CDH10: variants seen among roughly 807,000 people sequenced by gnomAD.
The protein encoded by CDH10 is cadherin 10.
CDH10 carries 30 observed loss-of-function variants against 73.1 expected under a neutral mutation model. The observed-to-expected ratio is 0.41, with a 90% confidence interval of 0.31 to 0.56. The LOEUF (loss-of-function observed/expected upper bound fraction) is 0.56. Ranked by LOEUF, CDH10 falls within the 20% of genes least tolerant of loss-of-function variation. The pLI is 0.27. For synonymous variants in CDH10, 345 were observed against 348.2 expected (o/e 0.99, Z 0.10); for missense variants, 815 against 973.7 (o/e 0.84, Z 2.17).
At chr5:24,525,571 A>G (rs1365179206) in intron 5 of CDH10, among the ~76,000 whole-genome samples, 1 of 152,026 alleles carries the variant, frequency 6.6e-6, no homozygotes, top group East Asian at 1.9e-4. Flanking sequence ...CCTTGGAGGG[A>G]ACTGCAGAGT....
chr5:24,491,852 A>G (rs774448090), intron 10 of CDH10, 25 bp from the exon 11 acceptor site: 2 of 1,524,948 alleles, frequency 1.3e-6, no homozygotes, highest in South Asian at 1.2e-5. Flanking sequence ...AAAATATTAC[A>G]AATGGTTTGG....
chr5:24,604,973 T>C (rs1419525013), intron 1 of CDH10, among the ~76,000 whole-genome samples: 1 of 152,126 alleles, frequency 6.6e-6, no homozygotes, highest in Admixed American at 6.6e-5. Context: ...TAAAGTCTTT[T>C]TTCATACTGT....
Position 24,509,775 on chromosome 5 carries a change from T to C in CDH10, c.1047A>G (p.Glu349=), listed in dbSNP as rs201120397. ...GGGGATCTACATGGGTGTTTTCTGC[T>C]TCGACTTTCAGAGTATAAAGTCTTC... is the stretch of plus-strand genomic sequence containing the variant. ...ESRRLYTLKV[E]AENTHVDPRF... The change falls in exon 7 of 12, where the codon GAA becomes GAG. Residue 349 remains glutamate, a synonymous_variant. Coordinates refer to ENST00000264463, the MANE Select transcript of CDH10 (RefSeq NM_006727.5). 3.9e-5 allele frequency: 63 copies of C among 1,612,568 alleles called. No individual in the cohort carries two copies. Among genetic ancestry groups the C allele is most frequent in the Middle Eastern group, 3.3e-4 (2 of 6,060 alleles).
At chr5:24,491,466 C>A (rs1272145017) in intron 11 of CDH10, 110 bp downstream of exon 11, 1 of 794,838 alleles carries the variant, frequency 1.3e-6, no homozygotes, top group Non-Finnish European at 2.0e-6. Context: ...TAATTTATGT[C>A]TATCTTAAAA....
intron 2 of CDH10, among the ~76,000 whole-genome samples, chr5:24,580,397 T>C (rs1459301800): frequency 1.3e-5 from 2 of 152,190 alleles, no homozygotes; most frequent in Non-Finnish European, 2.9e-5. Flanking sequence ...ATGTTTTCCA[T>C]TCTCTTAAAT....
intron 2 of CDH10, among the ~76,000 whole-genome samples, chr5:24,545,851 T>C (rs574772894): frequency 2.0e-5 from 3 of 152,220 alleles, no homozygotes; most frequent in South Asian, 2.1e-4. Flanking sequence ...CTGTAACTGA[T>C]TGAATGAAAC....
chr5:24,534,731 C>T (rs935258984), intron 5 of CDH10, among the ~76,000 whole-genome samples: 2 of 151,864 alleles, frequency 1.3e-5, no homozygotes, highest in Non-Finnish European at 2.9e-5. Flanking sequence ...ATTTAGGTTC[C>T]CCTTTATTTA....
chr5:24,603,820 C>A (rs1473616755), intron 1 of CDH10, among the ~76,000 whole-genome samples: 1 of 151,870 alleles, frequency 6.6e-6, no homozygotes, highest in African/African-American at 2.4e-5. Context: ...GTTGTCCTAG[C>A]CAAAGCAGTG....
Position 24,623,433 on chromosome 5 carries a change from G to C in CDH10, c.-124+21161C>G, listed in dbSNP as rs145540523. On this transcript the variant is annotated intron_variant, in intron 1 of 11. Transcript: ENST00000264463. ...AAACCGCATAACAAATTTTAAAAGA[G>C]AACTGTCATTGTAATGTGCATTCTT... Among the ~76,000 whole-genome samples the C allele has an allele frequency of 3.3e-3, 499 of 152,282 alleles. 8 individuals carry two copies. The highest frequency in any genetic ancestry group is 0.013 in the South Asian group (62 of 4,826).
At chr5:24,589,935 C>T (rs1002666013) in intron 2 of CDH10, among the ~76,000 whole-genome samples, 2 of 151,938 alleles carry the variant, frequency 1.3e-5, no homozygotes, top group Non-Finnish European at 2.9e-5. Context: ...TGAAGTTCAA[C>T]ATGTGAAGCT....
At chr5:24,513,085 T>C (rs1742982736) in intron 5 of CDH10, among the ~76,000 whole-genome samples, 1 of 151,684 alleles carries the variant, frequency 6.6e-6, no homozygotes, top group Admixed American at 6.6e-5. Context: ...AGTGACATGA[T>C]CTTGGCTCAC....
intron 4 of CDH10, 138 bp from the exon 5 acceptor site, chr5:24,535,417 T>C: frequency 1.2e-6 from 1 of 837,156 alleles, no homozygotes. Context: ...TGTCTAGAAA[T>C]TATAAAAGTG....
chr5:24,488,252 A>G, intron 11 of CDH10, 99 bp from the exon 12 acceptor site: 2 of 1,001,994 alleles, frequency 2.0e-6, no homozygotes, highest in South Asian at 1.7e-5. Flanking sequence ...CAGGCTTTCT[A>G]TAACAGCTTA....
At chr5:24,606,674 A>T (rs537209990) in intron 1 of CDH10, among the ~76,000 whole-genome samples, 1 of 152,284 alleles carries the variant, frequency 6.6e-6, no homozygotes, top group African/African-American at 2.4e-5. Flanking sequence ...AATGCAATGT[A>T]TAAAAAAGAT....
chr5:24,555,167 C>G (rs114193793), intron 2 of CDH10, among the ~76,000 whole-genome samples: 4 of 152,074 alleles, frequency 2.6e-5, no homozygotes, highest in African/African-American at 7.2e-5. Flanking sequence ...TTTCTTGGTT[C>G]CCCAGAGAGT....
intron 1 of CDH10, among the ~76,000 whole-genome samples, chr5:24,632,040 T>C (rs1307408435): frequency 6.6e-6 from 1 of 152,070 alleles, no homozygotes; most frequent in Non-Finnish European, 1.5e-5. Flanking sequence ...AGGGTGATGG[T>C]TGACTATGAA....
chr5:24,569,504 T>C (rs930943996), intron 2 of CDH10, among the ~76,000 whole-genome samples: 9 of 152,182 alleles, frequency 5.9e-5, no homozygotes, highest in Admixed American at 2.0e-4. Context: ...ATGCTACATA[T>C]GTATGCATGT....
intron 5 of CDH10, among the ~76,000 whole-genome samples, chr5:24,531,677 C>G (rs1167899945): frequency 1.3e-5 from 2 of 152,056 alleles, no homozygotes; most frequent in African/African-American, 4.8e-5. Flanking sequence ...AAAGACCACC[C>G]CCGTGATTCA....
At chr5:24,521,454 A>G (rs1258662231) in intron 5 of CDH10, among the ~76,000 whole-genome samples, 1 of 152,144 alleles carries the variant, frequency 6.6e-6, no homozygotes, top group East Asian at 1.9e-4. Flanking sequence ...ACCTCCTTAC[A>G]AAATTAGGTG....
Sources: gnomAD v4.1 joint callset for allele counts (sites outside exome capture counted in the v4.1 genomes callset) on GRCh38, gnomAD v4.1.1 for gene constraint, MANE v1.5 for transcripts, NCBI Gene and HGNC (gene_info 2026-07-23, HGNC 2026-07-21) for gene names.